KCNK9: variants seen among roughly 807,000 people sequenced by gnomAD.
KCNK9 encodes the protein potassium two pore domain channel subfamily K member 9, also known as potassium channel subfamily K member 9.
KCNK9 carries 1 observed loss-of-function variant against 10.8 expected under a neutral mutation model. The ratio of observed to expected loss-of-function variants is 0.09; its 90% CI spans 0.03 to 0.44. The LOEUF (loss-of-function observed/expected upper bound fraction) is 0.44, where lower values mean the gene tolerates loss of function less well. Ranked by LOEUF, KCNK9 falls within the 20% of genes least tolerant of loss-of-function variation. The probability of loss-of-function intolerance (pLI) is 0.97; values close to 1 mark genes in which losing one functional copy is unlikely to be tolerated. For missense variants in KCNK9, 303 were observed against 515.0 expected, an observed-to-expected ratio of 0.59 and a Z score of 3.98; for synonymous variants, 231 against 222.7, an observed-to-expected ratio of 1.04 and a Z score of -0.33.
intron 1 of KCNK9, among the ~76,000 whole-genome samples, chr8:139,683,147 T>C (rs1028497439): frequency 2.0e-5 from 3 of 152,144 alleles, no homozygotes; most frequent in African/African-American, 7.2e-5. Context: ...ACACCCTGCC[T>C]GTACGGGAAG....
At chr8:139,685,782 C>T (rs1816776263) in intron 1 of KCNK9, among the ~76,000 whole-genome samples, 1 of 152,094 alleles carries the variant, frequency 6.6e-6, no homozygotes. Flanking sequence ...ATTTATAACC[C>T]TTTGGGTATA....
intron 1 of KCNK9, among the ~76,000 whole-genome samples, chr8:139,649,358 G>A (rs556786338): frequency 8.5e-5 from 13 of 152,326 alleles, no homozygotes; most frequent in Middle Eastern, 3.4e-3. Flanking sequence ...GCTTGGACCC[G>A]TTGATTTGGG....
intron 1 of KCNK9, among the ~76,000 whole-genome samples, chr8:139,631,948 G>T (rs1460358271): frequency 1.3e-5 from 2 of 152,240 alleles, no homozygotes; most frequent in East Asian, 3.8e-4. Context: ...CACCCTGGAA[G>T]GATCTATGGG....
At chr8:139,658,166 G>A (rs1223740778) in intron 1 of KCNK9, among the ~76,000 whole-genome samples, 1 of 152,212 alleles carries the variant, frequency 6.6e-6, no homozygotes, top group African/African-American at 2.4e-5. Context: ...GAGAGGTTGA[G>A]GGCACCAAGT....
At chr8:139,602,445 G>A (rs77166642) in intron 2 of KCNK9, among the ~76,000 whole-genome samples, 7,181 of 152,256 alleles carry the variant, frequency 0.047, 180 homozygotes, top group African/African-American at 0.063. Context: ...GACTTAGAAC[G>A]CAGCAATGCC....
At chr8:139,672,677 G>A (rs867821198) in intron 1 of KCNK9, among the ~76,000 whole-genome samples, 1 of 152,324 alleles carries the variant, frequency 6.6e-6, no homozygotes, top group East Asian at 1.9e-4. Flanking sequence ...CAGCCCCCGT[G>A]GGGGAGCCTC....
At chr8:139,610,717 G>A (rs969697988), downstream of KCNK9, among the ~76,000 whole-genome samples, 1 of 152,368 alleles carries the variant, frequency 6.6e-6, no homozygotes, top group Admixed American at 6.5e-5. Flanking sequence ...CTGAAAGCCT[G>A]AGACTCGGGC....
At chr8:139,619,258 A>C (rs758054748) in intron 1 of KCNK9, among the ~76,000 whole-genome samples, 159 bp from the exon 2 acceptor site, 3 of 151,788 alleles carry the variant, frequency 2.0e-5, no homozygotes, top group Non-Finnish European at 4.4e-5. Flanking sequence ...CATATATTGG[A>C]GGGAGGAGAA....
rs113775217 is a variant in KCNK9 at position 139,650,933 on chromosome 8, C to T, written c.284-31834G>A. Reference sequence around the variant, plus strand: ...GTTCAGAATGTGCCCGGGTGGCCTTCAGAGCCCCTTCCAACTCTGAGAATA... The same window carrying T: ...GTTCAGAATGTGCCCGGGTGGCCTTTAGAGCCCCTTCCAACTCTGAGAATA... On this transcript the variant is annotated intron_variant, in intron 1 of 1. Coordinates refer to ENST00000520439, the MANE Select transcript of KCNK9 (RefSeq NM_001282534.2). Among the ~76,000 whole-genome samples the T allele has an allele frequency of 3.7e-3, 556 of 152,292 alleles. 2 individuals are homozygous for T. The highest frequency in any genetic ancestry group is 0.013 in the African/African-American group (540 of 41,548).
At chr8:139,659,991 T>C (rs1374221413) in intron 1 of KCNK9, among the ~76,000 whole-genome samples, 1 of 152,052 alleles carries the variant, frequency 6.6e-6, no homozygotes. Flanking sequence ...GGGATGGAGA[T>C]GGGATGGAAA....
At chr8:139,625,479 G>C (rs901177138) in intron 1 of KCNK9, among the ~76,000 whole-genome samples, 2 of 152,324 alleles carry the variant, frequency 1.3e-5, no homozygotes, top group Non-Finnish European at 2.9e-5. Flanking sequence ...GGAGGAGAAG[G>C]CAGCACATGG....
chr8:139,619,691 A>C (rs1045837523), intron 1 of KCNK9, among the ~76,000 whole-genome samples: 2 of 152,214 alleles, frequency 1.3e-5, no homozygotes, highest in African/African-American at 4.8e-5. Context: ...CTGAGTTAGC[A>C]GGGTAGCTTG....
chr8:139,604,576 G>T (rs1423375502), intron 2 of KCNK9, among the ~76,000 whole-genome samples: 2 of 152,210 alleles, frequency 1.3e-5, no homozygotes, highest in Non-Finnish European at 2.9e-5. Context: ...ATCCACAGAA[G>T]GGTTGAGGAG....
downstream of KCNK9, among the ~76,000 whole-genome samples, chr8:139,609,238 G>GCCCC (rs1334845811): frequency 5.8e-3 from 540 of 93,412 alleles, 3 homozygotes; most frequent in African/African-American, 6.6e-3. Context: ...GGGGTGCTCT[G>GCCCC]CCCCCCCACC....
chr8:139,667,258 GC>G (rs1816324625), intron 1 of KCNK9, among the ~76,000 whole-genome samples: 2 of 152,222 alleles, frequency 1.3e-5, no homozygotes, highest in African/African-American at 4.8e-5. Flanking sequence ...CATCCTTGCC[GC>G]CCAGGCAGTT....
downstream of KCNK9, among the ~76,000 whole-genome samples, chr8:139,609,171 GA>G (rs1404391593): frequency 3.0e-5 from 4 of 132,276 alleles, no homozygotes; most frequent in African/African-American, 1.2e-4. Context: ...CAGGACACCT[GA>G]CTTGGAGTTC....
intron 1 of KCNK9, among the ~76,000 whole-genome samples, chr8:139,678,702 G>C (rs1402731710): frequency 6.6e-6 from 1 of 152,268 alleles, no homozygotes; most frequent in African/African-American, 2.4e-5. Flanking sequence ...AAGGCCTGTG[G>C]GCTTGGGTGG....
chr8:139,649,094 C>T (rs989821360), intron 1 of KCNK9, among the ~76,000 whole-genome samples: 2 of 152,196 alleles, frequency 1.3e-5, no homozygotes, highest in Non-Finnish European at 2.9e-5. Context: ...TCCCCGACGC[C>T]GTGGCCTCCC....
chr8:139,606,548 A>G (rs1165923201), intron 2 of KCNK9, among the ~76,000 whole-genome samples: 1 of 152,162 alleles, frequency 6.6e-6, no homozygotes, highest in Non-Finnish European at 1.5e-5. Context: ...AACTAATTCA[A>G]GCTTAATTTC....
Sources: allele counts gnomAD v4.1 joint callset (sites outside exome capture counted in the v4.1 genomes callset), GRCh38; gene constraint gnomAD v4.1.1; transcripts MANE v1.5; gene names NCBI Gene and HGNC (gene_info 2026-07-23, HGNC 2026-07-21).